GRM3: variants seen among roughly 807,000 people sequenced by gnomAD.
GRM3 encodes glutamate metabotropic receptor 3, also known as metabotropic glutamate receptor 3.
Under a neutral mutation model 70.5 loss-of-function variants are expected in GRM3, and 26 were observed. That is an observed-to-expected ratio of 0.37 (90% confidence interval 0.27 to 0.51). The LOEUF (loss-of-function observed/expected upper bound fraction) is 0.51, where lower values mean the gene tolerates loss of function less well. Among genes scored for constraint, GRM3 ranks in the 20% least tolerant of loss-of-function variants. GRM3 has a pLI of 0.93. For synonymous variants in GRM3, 443 were observed against 434.9 expected, an observed-to-expected ratio of 1.02 and a Z score of -0.23; for missense variants, 859 against 1,123.8, an observed-to-expected ratio of 0.76 and a Z score of 3.37.
intron 1 of GRM3, among the ~76,000 whole-genome samples, chr7:86,706,963 C>T (rs539436806): frequency 2.0e-5 from 3 of 151,922 alleles, no homozygotes; most frequent in South Asian, 2.1e-4. Flanking sequence ...TTTCAGTGAA[C>T]GTTATAACAT....
chr7:86,746,341 T>TTATATATATATATATATATA (rs59930404), intron 1 of GRM3, among the ~76,000 whole-genome samples: 7 of 87,432 alleles, frequency 8.0e-5, no homozygotes, highest in East Asian at 3.4e-4. Flanking sequence ...CAGTCATGTA[T>TTATATATATATATATATATA]TATATATATA....
chr7:86,782,010 T>C (rs1797077530), intron 2 of GRM3, among the ~76,000 whole-genome samples: 2 of 152,156 alleles, frequency 1.3e-5, no homozygotes, highest in Non-Finnish European at 2.9e-5. Context: ...GGCCCCCTGG[T>C]AAAATTCACT....
At chr7:86,684,180 T>C (rs1794508348) in intron 1 of GRM3, among the ~76,000 whole-genome samples, 2 of 152,116 alleles carry the variant, frequency 1.3e-5, no homozygotes, top group South Asian at 2.1e-4. Flanking sequence ...AGCCTTGCTC[T>C]TGGAGTCATT....
intron 2 of GRM3, among the ~76,000 whole-genome samples, chr7:86,781,172 G>T (rs1797048602): frequency 1.3e-5 from 2 of 151,912 alleles, no homozygotes; most frequent in Admixed American, 1.3e-4. Flanking sequence ...GCAACAATTA[G>T]AACAGTAGCT....
At chr7:86,672,572 G>A (rs905924819) in intron 1 of GRM3, among the ~76,000 whole-genome samples, 1 of 151,938 alleles carries the variant, frequency 6.6e-6, no homozygotes, top group East Asian at 1.9e-4. Flanking sequence ...TCAAGTGGTT[G>A]CCTGGGGCAG....
chr7:86,715,590 C>A (rs1795295123), intron 1 of GRM3, among the ~76,000 whole-genome samples: 1 of 151,998 alleles, frequency 6.6e-6, no homozygotes, highest in South Asian at 2.1e-4. Context: ...GAACCTGACA[C>A]AGCACCTAAC....
intron 1 of GRM3, among the ~76,000 whole-genome samples, chr7:86,759,256 T>C (rs1796421746): frequency 6.6e-6 from 1 of 152,216 alleles, no homozygotes; most frequent in South Asian, 2.1e-4. Flanking sequence ...GCTCTCAAAA[T>C]TTCCAGTTTT....
At chr7:86,647,655 T>C (rs1793506680) in intron 1 of GRM3, among the ~76,000 whole-genome samples, 1 of 152,204 alleles carries the variant, frequency 6.6e-6, no homozygotes, top group South Asian at 2.1e-4. Flanking sequence ...ATGGATCCAA[T>C]ACTGCATTAG....
intron 1 of GRM3, among the ~76,000 whole-genome samples, chr7:86,703,702 G>C (rs1293672431): frequency 6.6e-6 from 1 of 151,896 alleles, no homozygotes; most frequent in African/African-American, 2.4e-5. Context: ...CAGCGAAGTG[G>C]AATGATTCAT....
chr7:86,802,229 T>C (rs1240831397), intron 3 of GRM3, among the ~76,000 whole-genome samples: 1 of 152,150 alleles, frequency 6.6e-6, no homozygotes, highest in Non-Finnish European at 1.5e-5. Context: ...CTTTGGAGAT[T>C]TGGAGACCCA....
intron 2 of GRM3, among the ~76,000 whole-genome samples, chr7:86,783,035 T>A (rs1286944286): frequency 3.9e-5 from 6 of 152,194 alleles, no homozygotes; most frequent in Non-Finnish European, 8.8e-5. Flanking sequence ...GTTCCTTTAT[T>A]TCTTTATGCT....
At chr7:86,810,316 C>T (rs1358893146) in intron 3 of GRM3, among the ~76,000 whole-genome samples, 2 of 151,890 alleles carry the variant, frequency 1.3e-5, no homozygotes, top group Non-Finnish European at 2.9e-5. Flanking sequence ...TATTTAGGAA[C>T]ATAGCAAGCA....
At chr7:86,653,073 A>C (rs1793646715) in intron 1 of GRM3, among the ~76,000 whole-genome samples, 1 of 152,212 alleles carries the variant, frequency 6.6e-6, no homozygotes, top group Admixed American at 6.5e-5. Flanking sequence ...AGATGTTGCG[A>C]AGTCCATGAT....
intron 1 of GRM3, among the ~76,000 whole-genome samples, chr7:86,741,810 C>T (rs905613869): frequency 6.6e-6 from 1 of 152,118 alleles, no homozygotes; most frequent in African/African-American, 2.4e-5. Flanking sequence ...ATTTTTGTTG[C>T]ATATGTTTTG....
At chr7:86,649,815 T>C (rs1028659669) in intron 1 of GRM3, among the ~76,000 whole-genome samples, 1 of 152,118 alleles carries the variant, frequency 6.6e-6, no homozygotes, top group Admixed American at 6.6e-5. Context: ...AGTCAATAAA[T>C]ATTTATTAAG....
chr7:86,768,896 T>A (rs541861645), intron 2 of GRM3, among the ~76,000 whole-genome samples: 2 of 152,252 alleles, frequency 1.3e-5, no homozygotes, highest in East Asian at 3.9e-4. Flanking sequence ...GGGTCCTGTA[T>A]TCAGCTAGGC....
intron 2 of GRM3, among the ~76,000 whole-genome samples, chr7:86,773,705 G>T (rs1230674838): frequency 6.6e-6 from 1 of 152,008 alleles, no homozygotes; most frequent in Non-Finnish European, 1.5e-5. Context: ...GCCATTCAAG[G>T]ACTTCATCAC....
chr7:86,782,680 C>A (rs1429916699), intron 2 of GRM3, among the ~76,000 whole-genome samples: 4 of 152,162 alleles, frequency 2.6e-5, no homozygotes, highest in Middle Eastern at 3.2e-3. Flanking sequence ...CAGACAGCAC[C>A]CATTCTGTGT....
Position 86,765,467 on chromosome 7 carries a change from C to T in GRM3, c.322C>T (p.Gln108Ter), listed in dbSNP as rs2116416616. Residue 108 changes from glutamine (Q) to a stop codon, truncating the protein, a stop_gained, in exon 2 of 6, where the codon CAA (glutamine) becomes TAA (stop). Coordinates refer to ENST00000361669, the MANE Select transcript of GRM3 (RefSeq NM_000840.3). LOFTEE classifies it high-confidence loss of function. ...TTCAAGGGATACCTATGCATTGGAG[C>T]AATCACTGGAGTTTGTCAGGGCATC... ...TCSRDTYALE[Q>*]SLEFVRASLT... The T allele has an allele frequency of 6.2e-7, 1 of 1,613,888 alleles. No individual in the cohort carries two copies. Among genetic ancestry groups the T allele is most frequent in the Non-Finnish European group, 8.5e-7 (1 of 1,179,832 alleles).
Sources: allele counts gnomAD v4.1 joint callset (sites outside exome capture counted in the v4.1 genomes callset), GRCh38; gene constraint gnomAD v4.1.1; transcripts MANE v1.5; gene names NCBI Gene and HGNC (gene_info 2026-07-23, HGNC 2026-07-21).